The following AGBL4 variants were observed in gnomAD, a reference collection of about 807,000 sequenced individuals.
AGBL4 encodes AGBL carboxypeptidase 4, also known as cytosolic carboxypeptidase 6.
A neutral mutation model predicts 66.4 loss-of-function variants in AGBL4; 58 were observed. The ratio of observed to expected loss-of-function variants is 0.87; its 90% confidence interval spans 0.71 to 1.09. The LOEUF is 1.09. Among genes scored for constraint, AGBL4 ranks in the 50% least tolerant of loss-of-function variants. The pLI, the probability that AGBL4 is intolerant of heterozygous loss-of-function variation, is 0.00. For missense variants in AGBL4, 579 were observed against 631.0 expected, an observed-to-expected ratio of 0.92 and a Z score of 0.88; for synonymous variants, 234 against 222.9, an observed-to-expected ratio of 1.05 and a Z score of -0.44.
chr1:49,138,350 G>A (rs944318463), intron 4 of AGBL4, among the ~76,000 whole-genome samples: 1 of 152,122 alleles, frequency 6.6e-6, no homozygotes, highest in African/African-American at 2.4e-5. Flanking sequence ...ATATGTAGTG[G>A]TCAATAGTAC....
intron 3 of AGBL4, among the ~76,000 whole-genome samples, chr1:49,356,044 T>C (rs1363678165): frequency 6.6e-6 from 1 of 152,170 alleles, no homozygotes; most frequent in Non-Finnish European, 1.5e-5. Context: ...GTATGCTTCC[T>C]ACATCTTTGG....
intron 3 of AGBL4, among the ~76,000 whole-genome samples, chr1:49,366,785 T>G (rs1333633033): frequency 6.6e-6 from 1 of 152,162 alleles, no homozygotes; most frequent in African/African-American, 2.4e-5. Context: ...TTGCTGCTTT[T>G]CAAATTTGCT....
At chr1:49,202,101 C>T (rs1010343337) in intron 4 of AGBL4, among the ~76,000 whole-genome samples, 2 of 152,014 alleles carry the variant, frequency 1.3e-5, no homozygotes, top group South Asian at 2.1e-4. Flanking sequence ...TGCACAGCTG[C>T]GTTTGTATAA....
At chr1:48,600,606 C>T (rs1459073504) in intron 9 of AGBL4, among the ~76,000 whole-genome samples, 1 of 152,144 alleles carries the variant, frequency 6.6e-6, no homozygotes, top group African/African-American at 2.4e-5. Context: ...AGGGTAATAA[C>T]ATCATATAAG....
Position 49,669,107 on chromosome 1 carries a change from G to A in AGBL4, c.282+28206C>T, listed in dbSNP as rs368551662. ...CTTTACAACATAGTGTGCAGAAAACGTGGGCACGTAGATGGAAAATGAAAA... is the reference window on the plus strand; with the variant it reads ...CTTTACAACATAGTGTGCAGAAAACATGGGCACGTAGATGGAAAATGAAAA... On this transcript the variant is annotated intron_variant, in intron 3 of 13. Transcript: ENST00000371839. 3.6e-4 allele frequency among the ~76,000 whole-genome samples: 55 copies of A among 152,226 alleles called. 1 individual carries two copies. In the South Asian group the frequency reaches 9.5e-3, roughly 26 times the overall value.
chr1:48,551,073 T>G (rs1644241995), intron 11 of AGBL4, among the ~76,000 whole-genome samples: 2 of 152,200 alleles, frequency 1.3e-5, no homozygotes, highest in Non-Finnish European at 2.9e-5. Context: ...ATTGCTGACC[T>G]TGTCACTTCC....
rs545794929 is a variant in AGBL4 at position 49,660,370 on chromosome 1, T to G, written c.282+36943A>C. ...AAAAAAAGCTTAACATCACTGATCA[T>G]TAGAGAAACGCAAATCAAAACCACA... is the stretch of plus-strand genomic sequence containing the variant. On this transcript the variant is annotated intron_variant, in intron 3 of 13. Transcript: ENST00000371839. Among the ~76,000 whole-genome samples, 10 of 152,292 alleles carry G rather than the reference T, an allele frequency of 6.6e-5. No homozygotes were observed. The South Asian group carries it at 1.7e-3, about 25-fold the overall frequency.
intron 6 of AGBL4, among the ~76,000 whole-genome samples, chr1:48,763,538 G>A (rs562611445): frequency 1.3e-5 from 2 of 152,126 alleles, no homozygotes; most frequent in East Asian, 3.9e-4. Context: ...GACGATGAGG[G>A]TGGTATTAGG....
chr1:48,807,759 G>T lies in AGBL4; in HGVS notation c.634+59432C>A, dbSNP rs539762809. 5.3e-5 allele frequency among the ~76,000 whole-genome samples: 8 copies of T among 152,300 alleles called. No individual in the cohort carries two copies. The South Asian group carries it at 1.7e-3, about 32-fold the overall frequency. ...TCTGCATATCAGAAGGGCAGTGGAA[G>T]TTGCTTGGCAAGAGGCCCTGGCTCA... On this transcript the variant is annotated intron_variant, in intron 6 of 13. Transcript: ENST00000371839.
intron 3 of AGBL4, among the ~76,000 whole-genome samples, chr1:49,405,057 G>A (rs917788453): frequency 6.6e-6 from 1 of 152,122 alleles, no homozygotes; most frequent in Non-Finnish European, 1.5e-5. Flanking sequence ...CTTCCCTTTT[G>A]TGAGTATTTA....
chr1:49,200,607 T>C (rs949532434), intron 4 of AGBL4, among the ~76,000 whole-genome samples: 1 of 152,214 alleles, frequency 6.6e-6, no homozygotes, highest in African/African-American at 2.4e-5. Flanking sequence ...TGAGTTCAGT[T>C]AATTTGCTTC....
intron 3 of AGBL4, among the ~76,000 whole-genome samples, chr1:49,507,277 T>C (rs1648782336): frequency 6.6e-6 from 1 of 151,974 alleles, no homozygotes. Flanking sequence ...GTGAACCATA[T>C]TGATATTCCA....
chr1:48,973,424 T>C (rs999297278), intron 5 of AGBL4, among the ~76,000 whole-genome samples: 7 of 152,150 alleles, frequency 4.6e-5, no homozygotes, highest in African/African-American at 1.7e-4. Context: ...TATCCACAAT[T>C]AGAATGACAA....
At chr1:49,165,127 G>A (rs150252323) in intron 4 of AGBL4, among the ~76,000 whole-genome samples, 94 of 152,268 alleles carry the variant, frequency 6.2e-4, no homozygotes, top group Admixed American at 1.1e-3. Context: ...AGCATTTGGT[G>A]AGGTCTAGAT....
chr1:49,998,122 CA>C (rs567226918), intron 1 of AGBL4, among the ~76,000 whole-genome samples: 11 of 146,108 alleles, frequency 7.5e-5, no homozygotes, highest in East Asian at 2.0e-4. Context: ...GAAATTGAAA[CA>C]AAAAAAAACA....
intron 3 of AGBL4, among the ~76,000 whole-genome samples, chr1:49,695,819 C>A (rs551388438): frequency 6.8e-4 from 103 of 152,144 alleles, no homozygotes; most frequent in African/African-American, 2.4e-3. Context: ...GTCTTGTGTC[C>A]ATGGTGTTGT....
At chr1:48,662,347 G>C (rs1290849218) in intron 7 of AGBL4, among the ~76,000 whole-genome samples, 1 of 152,148 alleles carries the variant, frequency 6.6e-6, no homozygotes, top group African/African-American at 2.4e-5. Flanking sequence ...CTGGAAAGTG[G>C]CACAGCCAAT....
chr1:49,745,110 A>G (rs915474670), intron 2 of AGBL4, among the ~76,000 whole-genome samples: 14 of 152,130 alleles, frequency 9.2e-5, no homozygotes, highest in African/African-American at 3.1e-4. Context: ...ATTAAAAGGC[A>G]TAAATGGAAA....
At chr1:49,880,248 A>C (rs1191327799) in intron 1 of AGBL4, among the ~76,000 whole-genome samples, 2 of 151,708 alleles carry the variant, frequency 1.3e-5, no homozygotes, top group East Asian at 3.9e-4. Flanking sequence ...TGCGTTTTAG[A>C]GTTTCCAGAT....
Sources: allele counts gnomAD v4.1 joint callset (sites outside exome capture counted in the v4.1 genomes callset), GRCh38; gene constraint gnomAD v4.1.1; transcripts MANE v1.5; gene names NCBI Gene and HGNC (gene_info 2026-07-23, HGNC 2026-07-21).